The following NXN variants were observed in gnomAD, a reference collection of about 807,000 sequenced individuals.
NXN encodes the protein nucleoredoxin 1.
A neutral mutation model predicts 48.6 loss-of-function variants in NXN; 16 were observed. The ratio of observed to expected loss-of-function variants is 0.33; its 90% CI spans 0.22 to 0.50. NXN has a LOEUF of 0.50. NXN is among the 20% of genes least tolerant of loss of function. The pLI is 0.98. For missense variants in NXN, 492 were observed against 605.5 expected (o/e 0.81, Z 1.97); for synonymous variants, 281 against 269.6 (o/e 1.04, Z -0.41).
At chr17:972,950 G>A (rs1026648151) in intron 1 of NXN, among the ~76,000 whole-genome samples, 1 of 151,692 alleles carries the variant, frequency 6.6e-6, no homozygotes, top group African/African-American at 2.4e-5. Context: ...AGAATGGCAG[G>A]AACCCGGGAG....
intron 7 of NXN, 87 bp downstream of exon 7, chr17:803,595 T>C: frequency 6.4e-7 from 1 of 1,570,302 alleles, no homozygotes; most frequent in African/African-American, 1.3e-5. Flanking sequence ...CCTGGGGTCC[T>C]TTCAGGCAAC....
chr17:800,769 C>G lies in NXN; in HGVS notation c.*180G>C. 1 of 414,674 alleles carries G rather than the reference C, an allele frequency of 2.4e-6. No individual in the cohort carries two copies. The highest frequency in any genetic ancestry group is 4.2e-6 in the Non-Finnish European group (1 of 237,632). 25.7% of individuals were successfully genotyped at this position (414,674 alleles called of 1,614,324 possible). The stretch of plus-strand genomic sequence containing the variant: ...CCAAACACGGTGGACTCTGCCGCTG[C>G]TGATTCCACACCCCAGGGTGCTGGC... On this transcript the variant is annotated 3_prime_UTR_variant, in exon 8 of 8. Transcript: ENST00000336868.
intron 6 of NXN, among the ~76,000 whole-genome samples, chr17:804,738 C>T (rs937081804): frequency 3.9e-5 from 6 of 152,218 alleles, no homozygotes; most frequent in African/African-American, 1.4e-4. Context: ...GCCAGAGGGG[C>T]CCAGCCCCTG....
chr17:911,367 T>TCTCG (rs1160852816), intron 1 of NXN, among the ~76,000 whole-genome samples: 2 of 129,054 alleles, frequency 1.5e-5, no homozygotes, highest in African/African-American at 6.0e-5. Flanking sequence ...TGAGACGGAG[T>TCTCG]CTCGCTCTGT....
rs1243620674 is a variant in NXN at position 877,426 on chromosome 17, G to A, written c.361-51348C>T. On this transcript the variant is annotated intron_variant, in intron 1 of 7. Transcript: ENST00000336868. ...CTCCCAAAGTGCTGGAATTACAGGC[G>A]TGAGCCACCGCGCCCGGCCGCGACT... Among the ~76,000 whole-genome samples the A allele has an allele frequency of 3.3e-5, 5 of 152,140 alleles. No homozygotes were observed. The East Asian group carries it at 7.7e-4, about 24-fold the overall frequency.
At chr17:824,623 A>G (rs478511) in intron 2 of NXN, among the ~76,000 whole-genome samples, 103,544 of 152,070 alleles carry the variant, frequency 0.68, 36,286 homozygotes, top group African/African-American at 0.85. Context: ...CCCCACGCCC[A>G]GAGATTCTGA....
intron 4 of NXN, among the ~76,000 whole-genome samples, chr17:819,864 T>G (rs1188173443): frequency 6.6e-6 from 1 of 152,194 alleles, no homozygotes; most frequent in Non-Finnish European, 1.5e-5. Flanking sequence ...AGAGCTCAGA[T>G]GTGCACAGCC....
At chr17:927,212 C>T (rs1382931711) in intron 1 of NXN, among the ~76,000 whole-genome samples, 2 of 151,382 alleles carry the variant, frequency 1.3e-5, no homozygotes, top group African/African-American at 2.4e-5. Context: ...ACTTGGGAAG[C>T]GGAGGTTGCA....
At chr17:829,538 T>C (rs528946849) in intron 1 of NXN, among the ~76,000 whole-genome samples, 2 of 151,682 alleles carry the variant, frequency 1.3e-5, no homozygotes, top group East Asian at 1.9e-4. Context: ...TGTGCCATGG[T>C]AGTTTGCTGC....
At chr17:890,241 C>A (rs953809449) in intron 1 of NXN, among the ~76,000 whole-genome samples, 6 of 152,136 alleles carry the variant, frequency 3.9e-5, no homozygotes, top group Non-Finnish European at 5.9e-5. Context: ...TCCCTCTGAA[C>A]ATCACAAAGC....
intron 5 of NXN, among the ~76,000 whole-genome samples, chr17:807,911 G>A (rs1217865006): frequency 1.3e-5 from 2 of 152,208 alleles, no homozygotes; most frequent in Admixed American, 6.5e-5. Context: ...GATGGCACTG[G>A]CTAATCCTTA....
At chr17:876,353 A>G (rs2068215831) in intron 1 of NXN, among the ~76,000 whole-genome samples, 1 of 152,190 alleles carries the variant, frequency 6.6e-6, no homozygotes. Flanking sequence ...CAAAAAAGCT[A>G]TTGAAATTTC....
intron 1 of NXN, among the ~76,000 whole-genome samples, chr17:936,594 T>G (rs2068910372): frequency 6.7e-6 from 1 of 149,642 alleles, no homozygotes; most frequent in Non-Finnish European, 1.5e-5. Flanking sequence ...AAGGGCGAGG[T>G]GTGTCGGCCT....
chr17:837,486 G>T (rs186406982), intron 1 of NXN, among the ~76,000 whole-genome samples: 2 of 152,324 alleles, frequency 1.3e-5, no homozygotes, highest in East Asian at 3.9e-4. Flanking sequence ...AACAACAAAT[G>T]AACAGAGGAA....
chr17:946,812 TCA>T (rs2150612229), intron 1 of NXN, among the ~76,000 whole-genome samples: 1 of 152,250 alleles, frequency 6.6e-6, no homozygotes, highest in South Asian at 2.1e-4. Flanking sequence ...CACGCCAACG[TCA>T]CAGAGTCCTT....
chr17:826,179 C>T (rs1913088489), intron 1 of NXN, 101 bp from the exon 2 acceptor site: 1 of 804,892 alleles, frequency 1.2e-6, no homozygotes, highest in Non-Finnish European at 2.2e-6. Context: ...AACAGGCAAG[C>T]ATTCAAGCAC....
At chr17:912,907 T>C (rs1202154543) in intron 1 of NXN, among the ~76,000 whole-genome samples, 1 of 151,112 alleles carries the variant, frequency 6.6e-6, no homozygotes, top group Non-Finnish European at 1.5e-5. Context: ...TGAGCCAAGA[T>C]TGCACCACCG....
chr17:826,122 A>C, intron 1 of NXN, 44 bp from the exon 2 acceptor site: 1 of 1,286,624 alleles, frequency 7.8e-7, no homozygotes. Context: ...TCCAAACCAG[A>C]TTCATTGCAG....
intron 1 of NXN, among the ~76,000 whole-genome samples, chr17:946,236 C>A (rs1241337698): frequency 1.6e-5 from 1 of 63,296 alleles, no homozygotes; most frequent in African/African-American, 3.4e-5. Context: ...CCCGGGGATC[C>A]CTGCTCACTG....
Sources: gnomAD v4.1 joint callset for allele counts (sites outside exome capture counted in the v4.1 genomes callset) on GRCh38, gnomAD v4.1.1 for gene constraint, MANE v1.5 for transcripts, NCBI Gene and HGNC (gene_info 2026-07-23, HGNC 2026-07-21) for gene names.